The following GCN1 variants were observed in gnomAD, a reference collection of about 807,000 sequenced individuals.
The protein encoded by GCN1 is stalled ribosome sensor GCN1.
GCN1 carries 90 observed loss-of-function variants against 288.4 expected under a neutral mutation model. The ratio of observed to expected loss-of-function variants is 0.31; its 90% CI spans 0.26 to 0.37. The LOEUF (loss-of-function observed/expected upper bound fraction) is 0.37. Among genes scored for constraint, GCN1 ranks in the 10% least tolerant of loss-of-function variants. The pLI, the probability that GCN1 is intolerant of heterozygous loss-of-function variation, is 1.00. For missense variants in GCN1, 2,586 were observed against 3,419.9 expected (o/e 0.76, Z 6.08); for synonymous variants, 1,386 against 1,420.2 (o/e 0.98, Z 0.54).
At position 120,145,282 on chromosome 12, in the gene GCN1, G is replaced by T; in HGVS notation, c.4996C>A (p.Leu1666Ile). The change falls in exon 39 of 58, where the codon CTT becomes ATT. Residue 1666 changes from leucine (L) to isoleucine (I), a missense_variant. This residue lies in a region of GCN1 where 371 missense variants were observed against 572.6 expected (regional missense o/e 0.65). Transcript: ENST00000300648. ...CTCACCTCAGGCACAGGGTCCAAAAGCGATGCTTTCAGGCCAGGCGTCACG... is the reference window on the plus strand; with the variant it reads ...CTCACCTCAGGCACAGGGTCCAAAATCGATGCTTTCAGGCCAGGCGTCACG... Reference protein sequence around the residue: ...PSVTPGLKASLLDPVPEVRTV... With the variant: ...PSVTPGLKASILDPVPEVRTV... 1 of 1,602,610 alleles carries T rather than the reference G, an allele frequency of 6.2e-7. No individual in the cohort carries two copies. Among genetic ancestry groups the T allele is most frequent in the Non-Finnish European group, 8.5e-7 (1 of 1,174,244 alleles).
At chr12:120,147,942 G>C (rs897748935) in intron 37 of GCN1, among the ~76,000 whole-genome samples, 3 of 152,220 alleles carry the variant, frequency 2.0e-5, no homozygotes, top group African/African-American at 4.8e-5. Context: ...ATGTGGTCCA[G>C]ATAATGTCAT....
At chr12:120,194,591 C>G in intron 1 of GCN1, 89 bp downstream of exon 1, 1 of 1,250,308 alleles carries the variant, frequency 8.0e-7, no homozygotes, top group Non-Finnish European at 1.1e-6. Context: ...TCCAACGCCC[C>G]TAAGCCGAGG....
chr12:120,138,494 A>G, intron 46 of GCN1, 79 bp from the exon 47 acceptor site: 1 of 1,063,154 alleles, frequency 9.4e-7, no homozygotes, highest in Non-Finnish European at 1.5e-6. Context: ...TTCCTTCTCC[A>G]CTTGTTTCCC....
Position 120,144,929 on chromosome 12 carries a change from C to G in GCN1, c.5149G>C (p.Ala1717Pro). 6.2e-7 allele frequency: 1 copy of G among 1,614,210 alleles called. No individual in the cohort carries two copies. The highest frequency in any genetic ancestry group is 8.5e-7 in the Non-Finnish European group (1 of 1,180,034). ...EQSSVDRSGAAQGLAEVMAGL... is the reference protein window; with the variant it reads ...EQSSVDRSGAPQGLAEVMAGL... ...GGACCTGCTCTGGCCTTACCCTGTG[C>G]AGCGCCTGAGCGATCCACAGAGCTC... Residue 1717 changes from alanine to proline, a missense_variant, in exon 40 of 58, where the codon GCA (alanine) becomes CCA (proline). Coordinates refer to ENST00000300648, the MANE Select transcript of GCN1 (RefSeq NM_006836.2). The surrounding 1 kb of genome is among the most constrained non-coding windows in gnomAD (Gnocchi z 4.7).
At chr12:120,129,254 G>A in intron 57 of GCN1, 22 bp downstream of exon 57, 1 of 1,555,430 alleles carries the variant, frequency 6.4e-7, no homozygotes, top group Non-Finnish European at 8.9e-7. Flanking sequence ...GCACATCCTG[G>A]TGAGGCCCCC....
Position 120,153,908 on chromosome 12 carries a change from A to T in GCN1, c.3703T>A (p.Cys1235Ser). ...ESPPDQWEAR[C>S]GLALALNKLS... ...TTGTTGAGGGCCAACGCCAAGCCACACCTGGGAAAGAAGTGGGAGCACATC... is the reference window on the plus strand; with the variant it reads ...TTGTTGAGGGCCAACGCCAAGCCACTCCTGGGAAAGAAGTGGGAGCACATC... The change falls in exon 32 of 58, where the codon TGT (cysteine) becomes AGT (serine). Residue 1235 changes from cysteine to serine, a missense_variant and splice_region_variant. Around this residue, in one of 8 missense-constraint regions of GCN1, gnomAD observed 332 missense variants for 403.0 expected, o/e 0.82. Transcript: ENST00000300648. This position sits in a 1 kb window ranked among gnomAD's most constrained non-coding sequence, Gnocchi z 4.4. The T allele has an allele frequency of 2.5e-5, 41 of 1,613,330 alleles. No homozygotes were observed. Among genetic ancestry groups the T allele is most frequent in the Non-Finnish European group, 3.5e-5 (41 of 1,179,474 alleles).
intron 31 of GCN1, 93 bp downstream of exon 31, chr12:120,154,877 A>C: frequency 7.8e-7 from 1 of 1,289,266 alleles, no homozygotes; most frequent in Non-Finnish European, 1.1e-6. Context: ...CTGCTCTTTC[A>C]TTAACCCATG....
intron 54 of GCN1, 85 bp downstream of exon 54, chr12:120,131,841 T>C: frequency 1.2e-6 from 1 of 835,628 alleles, no homozygotes; most frequent in South Asian, 1.5e-5. Flanking sequence ...AAAGATCCTC[T>C]GAGGGAGGGA....
At chr12:120,188,476 G>C (rs1004543050) in intron 2 of GCN1, among the ~76,000 whole-genome samples, 1 of 146,234 alleles carries the variant, frequency 6.8e-6, no homozygotes, top group Non-Finnish European at 1.5e-5. Context: ...CAACTTATTT[G>C]ATCTTGGAAT....
Position 120,158,106 on chromosome 12 carries a change from A to G in GCN1, c.2906-76T>C. On this transcript the variant is annotated intron_variant, in intron 25 of 57. Coordinates refer to ENST00000300648, the MANE Select transcript of GCN1 (RefSeq NM_006836.2). This position sits in a 1 kb window ranked among gnomAD's most constrained non-coding sequence, Gnocchi z 4.3. ...GCCACTGCTGCCTATTTCTATCCTC[A>G]GGGAAAGTAGGGAACGGATGGACCA... 1 of 1,420,340 alleles carries G rather than the reference A, an allele frequency of 7.0e-7. No individual in the cohort carries two copies. Among genetic ancestry groups the G allele is most frequent in the Non-Finnish European group, 9.8e-7 (1 of 1,024,826 alleles). The allele number at this position is 1,420,340 out of a possible 1,614,324, so 88.0% of individuals were successfully genotyped here.
Position 120,153,975 on chromosome 12 carries a change from TGCTGGTGCACGGCAAG to T in GCN1, c.3702-82_3702-67del. ...GGGCCTCCTCTGCCAGTGGAACCTCTGCTGGTGCACGGCAAGGAGAGGGAGCTTGCCTGAGGCAAAC... is the reference window on the plus strand; with the variant it reads ...GGGCCTCCTCTGCCAGTGGAACCTCTGAGAGGGAGCTTGCCTGAGGCAAAC... On this transcript the variant is annotated intron_variant, in intron 31 of 57. Transcript: ENST00000300648. This position sits in a 1 kb window ranked among gnomAD's most constrained non-coding sequence, Gnocchi z 4.4. The T allele has an allele frequency of 1.4e-6, 2 of 1,393,472 alleles. No individual in the cohort carries two copies. Among genetic ancestry groups the T allele is most frequent in the Non-Finnish European group, 2.0e-6 (2 of 1,002,468 alleles). 86.3% of individuals were successfully genotyped at this position (1,393,472 alleles called of 1,614,324 possible).
chr12:120,169,606 C>T (rs111864544), intron 15 of GCN1, among the ~76,000 whole-genome samples: 2 of 152,052 alleles, frequency 1.3e-5, no homozygotes, highest in Admixed American at 6.6e-5. Flanking sequence ...TGGGTTCAAG[C>T]GATTCTCCTG....
rs1184361340 is a variant in GCN1, at chr12:120,186,212, G to T, written c.122-1325C>A. ...AAATTACCTGGGCATGGTGGCACGTGTCTGTAATCCCAGTTACTCAGGAGG... is the reference window on the plus strand; with the variant it reads ...AAATTACCTGGGCATGGTGGCACGTTTCTGTAATCCCAGTTACTCAGGAGG... On this transcript the variant is annotated intron_variant, in intron 2 of 57. Transcript: ENST00000300648. Among the ~76,000 whole-genome samples, 4 of 152,056 alleles carry T rather than the reference G, an allele frequency of 2.6e-5. No individual in the cohort carries two copies. The East Asian group carries it at 7.7e-4, about 29-fold the overall frequency.
intron 14 of GCN1, among the ~76,000 whole-genome samples, chr12:120,172,080 T>C (rs1878330974): frequency 6.6e-6 from 1 of 152,156 alleles, no homozygotes; most frequent in African/African-American, 2.4e-5. Context: ...CCCAGGCTGG[T>C]CTCAAACTCC....
intron 56 of GCN1, 33 bp downstream of exon 56, chr12:120,130,613 T>C: frequency 7.1e-7 from 1 of 1,415,908 alleles, no homozygotes; most frequent in East Asian, 2.3e-5. Flanking sequence ...AGCCAGGTGT[T>C]AGGGCTTAAA....
chr12:120,174,972 A>G (rs930250728), intron 12 of GCN1, among the ~76,000 whole-genome samples, 190 bp downstream of exon 12: 2 of 150,636 alleles, frequency 1.3e-5, no homozygotes, highest in Non-Finnish European at 1.5e-5. Flanking sequence ...CTAAAAATAC[A>G]AAAAAATTAG....
In GCN1 at chr12:120,155,477, A is replaced by G; in HGVS notation, c.3441-47T>C. 1 of 1,602,534 alleles carries G rather than the reference A, an allele frequency of 6.2e-7. No homozygotes were observed. The highest frequency in any genetic ancestry group is 8.5e-7 in the Non-Finnish European group (1 of 1,170,858). ...GGCTGCTTAGACAAAGATCTGCAGCACTTGCCCTGCCAGCCCAGCCCTTCT... is the reference window on the plus strand; with the variant it reads ...GGCTGCTTAGACAAAGATCTGCAGCGCTTGCCCTGCCAGCCCAGCCCTTCT... On this transcript the variant is annotated intron_variant, in intron 29 of 57. Coordinates refer to ENST00000300648, the MANE Select transcript of GCN1 (RefSeq NM_006836.2). This position sits in a 1 kb window ranked among gnomAD's most constrained non-coding sequence, Gnocchi z 4.9.
chr12:120,177,109 A>G (rs1397722288), intron 9 of GCN1, among the ~76,000 whole-genome samples: 1 of 151,974 alleles, frequency 6.6e-6, no homozygotes, highest in Non-Finnish European at 1.5e-5. Flanking sequence ...CTCAGGCTGG[A>G]TAGAGTGCAG....
intron 20 of GCN1, among the ~76,000 whole-genome samples, 200 bp downstream of exon 20, chr12:120,162,647 T>C (rs1340249045): frequency 6.6e-6 from 1 of 152,240 alleles, no homozygotes; most frequent in African/African-American, 2.4e-5. Context: ...GCCAGTCATA[T>C]CCTTGGACTT....
Sources: gnomAD v4.1 joint callset for allele counts (sites outside exome capture counted in the v4.1 genomes callset) on GRCh38, gnomAD v4.1.1 for gene constraint, gnomAD v4.1.1 regional missense constraint, Gnocchi (gnomAD v3.1) non-coding constraint, MANE v1.5 for transcripts, NCBI Gene and HGNC (gene_info 2026-07-23, HGNC 2026-07-21) for gene names.